Variants in RFX7 observed in about 807,000 individuals in gnomAD.
The protein encoded by RFX7 is DNA-binding protein RFX7.
In RFX7, 26 loss-of-function variants were observed where a neutral mutation model predicts 111.8. That is an observed-to-expected ratio of 0.23 (90% CI 0.17 to 0.32). The LOEUF (loss-of-function observed/expected upper bound fraction) is 0.32, where lower values mean the gene tolerates loss of function less well. Ranked by LOEUF, RFX7 falls within the 10% of genes least tolerant of loss-of-function variation. The probability of loss-of-function intolerance (pLI) is 1.00; values close to 1 mark genes in which losing one functional copy is unlikely to be tolerated. For missense variants in RFX7, 1,573 were observed against 1,772.9 expected, an observed-to-expected ratio of 0.89 and a Z score of 2.02; for synonymous variants, 624 against 624.4, an observed-to-expected ratio of 1.00 and a Z score of 0.01.
intron 5 of RFX7, among the ~76,000 whole-genome samples, chr15:56,135,336 A>G (rs1426628982): frequency 2.6e-5 from 4 of 151,722 alleles, no homozygotes; most frequent in East Asian, 1.9e-4. Flanking sequence ...ATCTCATTGT[A>G]GTTTTGATTT....
intron 2 of RFX7, among the ~76,000 whole-genome samples, chr15:56,225,683 T>A (rs2043475209): frequency 6.6e-6 from 1 of 152,146 alleles, no homozygotes; most frequent in African/African-American, 2.4e-5. Flanking sequence ...TGCAACAGGT[T>A]GAAATTTGGT....
rs529121240 is a variant in RFX7 at position 56,199,548 on chromosome 15, T to C, written c.162-20245A>G. Among the ~76,000 whole-genome samples, 142 of 152,244 alleles carry C rather than the reference T, an allele frequency of 9.3e-4. 1 individual carries two copies. In the South Asian group the frequency reaches 0.01, roughly 11 times the overall value. ...GCAAGCATTTTCAGGTTGATATTAA[T>C]ATTAAAAGCTCAAAGAGTCAACAGG... is the stretch of plus-strand genomic sequence containing the variant. On this transcript the variant is annotated intron_variant, in intron 2 of 9. Transcript: ENST00000559447.
intron 5 of RFX7, among the ~76,000 whole-genome samples, chr15:56,115,881 G>A (rs1286202023): frequency 6.6e-6 from 1 of 151,654 alleles, no homozygotes; most frequent in African/African-American, 2.4e-5. Context: ...GGCAGAGCTT[G>A]CAGTGAGCCG....
chr15:56,125,742 A>G (rs1022316711), intron 5 of RFX7, among the ~76,000 whole-genome samples: 11 of 152,088 alleles, frequency 7.2e-5, no homozygotes, highest in African/African-American at 2.7e-4. Flanking sequence ...ATATTTTTCC[A>G]TTTTACAAAA....
intron 2 of RFX7, among the ~76,000 whole-genome samples, chr15:56,212,761 TTAAAAA>T (rs1263046932): frequency 6.6e-6 from 1 of 151,994 alleles, no homozygotes; most frequent in Non-Finnish European, 1.5e-5. Context: ...AAGAAATATG[TTAAAAA>T]TAGAGTATGT....
rs1447899077 is a variant in RFX7, at chr15:56,102,150, G to T, written c.603+19C>A. 1.3e-6 allele frequency: 2 copies of T among 1,571,754 alleles called. No homozygotes were observed. Among genetic ancestry groups the T allele is most frequent in the Admixed American group, 1.7e-5 (1 of 58,034 alleles). ...AAGGTACAATTTTACTTATTAAAAA[G>T]AAAAGGCTGAATTCTTACCCCATCT... is the stretch of plus-strand genomic sequence containing the variant. On this transcript the variant is annotated intron_variant, in intron 7 of 9. Coordinates refer to ENST00000559447, the MANE Select transcript of RFX7 (RefSeq NM_022841.7).
chr15:56,124,576 CTG>C (rs1313881046), intron 5 of RFX7, among the ~76,000 whole-genome samples: 7 of 152,346 alleles, frequency 4.6e-5, no homozygotes, highest in African/African-American at 1.4e-4. Context: ...TGATACCTCA[CTG>C]TGGTTTTTAT....
chr15:56,115,247 G>C (rs1172721467), intron 5 of RFX7, among the ~76,000 whole-genome samples: 1 of 152,138 alleles, frequency 6.6e-6, no homozygotes, highest in Admixed American at 6.5e-5. Context: ...CCTGACCTCA[G>C]GTGATCTGCC....
At chr15:56,122,750 C>CGA (rs1555419009) in intron 5 of RFX7, among the ~76,000 whole-genome samples, 2 of 151,744 alleles carry the variant, frequency 1.3e-5, no homozygotes, top group East Asian at 3.9e-4. Context: ...AACCACAAGA[C>CGA]AGTCCTTCCC....
intron 2 of RFX7, among the ~76,000 whole-genome samples, chr15:56,236,854 C>G (rs1359709400): frequency 1.3e-5 from 2 of 152,162 alleles, no homozygotes; most frequent in Non-Finnish European, 2.9e-5. Flanking sequence ...CCCCAACAAC[C>G]AGGATTACTG....
intron 2 of RFX7, among the ~76,000 whole-genome samples, chr15:56,242,526 C>T (rs2414472): frequency 0.13 from 19,789 of 152,050 alleles, 1,689 homozygotes; most frequent in East Asian, 0.44. Context: ...TTGTAAACTA[C>T]CATCTTAAAA....
chr15:56,163,735 T>C (rs1372219777), intron 3 of RFX7, among the ~76,000 whole-genome samples: 1 of 152,200 alleles, frequency 6.6e-6, no homozygotes, highest in African/African-American at 2.4e-5. Flanking sequence ...GTTATCATTA[T>C]TCTTTGTTAT....
chr15:56,112,885 A>T (rs1290726972), intron 5 of RFX7, among the ~76,000 whole-genome samples: 1 of 152,256 alleles, frequency 6.6e-6, no homozygotes, highest in Non-Finnish European at 1.5e-5. Flanking sequence ...TATGCAACCA[A>T]CAAAAATATG....
chr15:56,162,467 T>A (rs2042731456), intron 3 of RFX7, among the ~76,000 whole-genome samples: 1 of 152,106 alleles, frequency 6.6e-6, no homozygotes, highest in South Asian at 2.1e-4. Context: ...AAAATTGCAT[T>A]TCTTTCTGGT....
At chr15:56,173,818 T>C (rs144994965) in intron 3 of RFX7, among the ~76,000 whole-genome samples, 33 of 151,724 alleles carry the variant, frequency 2.2e-4, no homozygotes, top group African/African-American at 6.3e-4. Context: ...ACAAAAATGA[T>C]AGAGATAATA....
At chr15:56,100,463 C>T (rs939631464) in intron 8 of RFX7, among the ~76,000 whole-genome samples, 39 of 152,084 alleles carry the variant, frequency 2.6e-4, no homozygotes, top group African/African-American at 8.7e-4. Flanking sequence ...TAGAAGAAAA[C>T]GGACTCATTA....
At chr15:56,154,283 T>G (rs1383927409) in intron 3 of RFX7, among the ~76,000 whole-genome samples, 1 of 152,088 alleles carries the variant, frequency 6.6e-6, no homozygotes, top group African/African-American at 2.4e-5. Flanking sequence ...AAAAACTACT[T>G]TAAACTACAT....
intron 2 of RFX7, among the ~76,000 whole-genome samples, chr15:56,213,967 T>C (rs2043337559): frequency 6.6e-6 from 1 of 152,202 alleles, no homozygotes; most frequent in Non-Finnish European, 1.5e-5. Context: ...TTCACTTTTT[T>C]TCTATATTGA....
intron 2 of RFX7, among the ~76,000 whole-genome samples, chr15:56,186,471 C>A (rs1366530726): frequency 6.6e-6 from 1 of 152,064 alleles, no homozygotes; most frequent in Non-Finnish European, 1.5e-5. Flanking sequence ...TGATTTGAAG[C>A]TTTTATATAC....
Sources: gnomAD v4.1 joint callset for allele counts (sites outside exome capture counted in the v4.1 genomes callset) on GRCh38, gnomAD v4.1.1 for gene constraint, MANE v1.5 for transcripts, NCBI Gene and HGNC (gene_info 2026-07-23, HGNC 2026-07-21) for gene names.